The following ARHGEF28 variants were observed in gnomAD, a reference collection of about 807,000 sequenced individuals.
The protein encoded by ARHGEF28 is 190 kDa guanine nucleotide exchange factor.
In ARHGEF28, 152 loss-of-function variants were observed where a neutral mutation model predicts 206.6. The ratio of observed to expected loss-of-function variants is 0.74; its 90% CI spans 0.64 to 0.84. The LOEUF is 0.84. Ranked by LOEUF, ARHGEF28 falls within the 40% of genes least tolerant of loss-of-function variation. The pLI is 0.00. For synonymous variants in ARHGEF28, 763 were observed against 776.4 expected, an observed-to-expected ratio of 0.98 and a Z score of 0.29; for missense variants, 2,028 against 2,073.2, an observed-to-expected ratio of 0.98 and a Z score of 0.42.
intron 22 of ARHGEF28, among the ~76,000 whole-genome samples, chr5:73,881,133 A>G (rs924624131): frequency 2.6e-5 from 4 of 152,086 alleles, no homozygotes; most frequent in Admixed American, 6.6e-5. Context: ...TTTGTCAAAA[A>G]TCATGTGGGC....
At chr5:73,633,202 T>C (rs186566922) in intron 1 of ARHGEF28, among the ~76,000 whole-genome samples, 4 of 152,290 alleles carry the variant, frequency 2.6e-5, no homozygotes, top group African/African-American at 7.2e-5. Context: ...TAAATACAGA[T>C]GAAGCTTCAC....
intron 16 of ARHGEF28, among the ~76,000 whole-genome samples, chr5:73,862,861 A>T (rs961070603): frequency 2.1e-5 from 1 of 47,302 alleles, no homozygotes; most frequent in African/African-American, 5.7e-5. Context: ...TTGTTTCTTT[A>T]AAAAAAAAAA....
chr5:73,626,488 G>C (rs543305590), intron 1 of ARHGEF28, among the ~76,000 whole-genome samples, 166 bp downstream of exon 1: 1 of 152,098 alleles, frequency 6.6e-6, no homozygotes, highest in Non-Finnish European at 1.5e-5. Context: ...CGGCGCGAGG[G>C]CTGGGCGCCG....
chr5:73,735,229 TAATTA>T (rs1750849169), intron 2 of ARHGEF28, among the ~76,000 whole-genome samples: 1 of 151,262 alleles, frequency 6.6e-6, no homozygotes, highest in Non-Finnish European at 1.5e-5. Context: ...TAATTTTTAT[TAATTA>T]AATTAAAATT....
At position 73,872,986 on chromosome 5, in the gene ARHGEF28, TCA is replaced by T. The variant is rs763503081; in HGVS notation, c.2567-8_2567-7del. On this transcript the variant is annotated splice_polypyrimidine_tract_variant and intron_variant, in intron 21 of 35. Transcript: ENST00000513042. ...AAGCTTGTTTAAGGCTTATGTGTGC[TCA>T]CACATTTCAGAGCTAATGCAAACAG... 1.2e-6 allele frequency: 2 copies of T among 1,612,944 alleles called. No individual in the cohort carries two copies. Among genetic ancestry groups the T allele is most frequent in the East Asian group, 4.5e-5 (2 of 44,872 alleles).
intron 27 of ARHGEF28, 34 bp from the exon 28 acceptor site, chr5:73,893,163 T>G (rs1761750158): frequency 6.7e-7 from 1 of 1,495,104 alleles, no homozygotes; most frequent in Admixed American, 2.3e-5. Flanking sequence ...TGCATTTGGT[T>G]TCAGTTGTGT....
Position 73,897,979 on chromosome 5 carries a change from G to T in ARHGEF28, c.3859G>T (p.Ala1287Ser). 2.5e-6 allele frequency: 4 copies of T among 1,584,490 alleles called. No homozygotes were observed. The highest frequency in any genetic ancestry group is 3.4e-6 in the Non-Finnish European group (4 of 1,164,450). Residue 1287 changes from alanine (A) to serine (S), a missense_variant, in exon 30 of 36, where the codon GCA becomes TCA. Physicochemically the swap from Ala to Ser is moderately conservative, Grantham distance 99 (BLOSUM62 1). Coordinates refer to ENST00000513042, the MANE Select transcript of ARHGEF28 (RefSeq NM_001177693.2). ...CATCTTAGCTGAGAGCCTACAAGTT[G>T]CAGTGAAGGCCTCACAGATGGGCGC... is the stretch of plus-strand genomic sequence containing the variant. The part of the protein sequence containing the change: ...ALKEAESLQV[A>S]VKASQMGAVS...
chr5:73,733,643 A>G (rs954163769), intron 2 of ARHGEF28, among the ~76,000 whole-genome samples: 1 of 152,242 alleles, frequency 6.6e-6, no homozygotes, highest in Non-Finnish European at 1.5e-5. Flanking sequence ...TATTGAAAGA[A>G]AAAATAATTT....
intron 2 of ARHGEF28, among the ~76,000 whole-genome samples, chr5:73,697,252 G>A (rs999748967): frequency 6.6e-6 from 1 of 152,138 alleles, no homozygotes; most frequent in Non-Finnish European, 1.5e-5. Flanking sequence ...ATCTGTGAAC[G>A]ATGTCACATG....
intron 1 of ARHGEF28, among the ~76,000 whole-genome samples, chr5:73,660,639 CGTT>C (rs1402837814): frequency 6.6e-6 from 1 of 152,198 alleles, no homozygotes; most frequent in Non-Finnish European, 1.5e-5. Context: ...CAAAATTACT[CGTT>C]GATCCTTGGG....
At chr5:73,857,315 A>G (rs1240733987) in intron 14 of ARHGEF28, among the ~76,000 whole-genome samples, 2 of 152,180 alleles carry the variant, frequency 1.3e-5, no homozygotes, top group Non-Finnish European at 2.9e-5. Context: ...TCAGGGTAAA[A>G]TTATAAGTCT....
At chr5:73,874,113 C>T (rs1204037095) in intron 22 of ARHGEF28, among the ~76,000 whole-genome samples, 3 of 152,102 alleles carry the variant, frequency 2.0e-5, no homozygotes, top group Admixed American at 2.0e-4. Flanking sequence ...TTGCACTTCC[C>T]TCATGGCTAA....
chr5:73,680,375 CA>C (rs1746993222), intron 1 of ARHGEF28, among the ~76,000 whole-genome samples: 1 of 124,500 alleles, frequency 8.0e-6, no homozygotes. Flanking sequence ...GCAGAGCTTG[CA>C]GTGAGCTGAG....
At chr5:73,769,048 C>T (rs1361602818) in intron 4 of ARHGEF28, among the ~76,000 whole-genome samples, 1 of 152,072 alleles carries the variant, frequency 6.6e-6, no homozygotes, top group Non-Finnish European at 1.5e-5. Context: ...GTGAGGCCTC[C>T]CTAGCCATAT....
At chr5:73,900,200 A>G (rs1419503212) in intron 30 of ARHGEF28, 3 of 152,266 alleles carry the variant, frequency 2.0e-5, no homozygotes, top group South Asian at 2.1e-4. Context: ...TTCCAAAGAC[A>G]TAAGTATTTT....
chr5:73,648,077 A>G (rs1744553931), intron 1 of ARHGEF28, among the ~76,000 whole-genome samples: 1 of 152,250 alleles, frequency 6.6e-6, no homozygotes, highest in South Asian at 2.1e-4. Context: ...AAGTTGTAAT[A>G]TTTTAAGAAT....
chr5:73,857,628 G>A (rs1335312923), intron 14 of ARHGEF28, 28 bp from the exon 15 acceptor site: 9 of 1,551,598 alleles, frequency 5.8e-6, no homozygotes, highest in Non-Finnish European at 7.8e-6. Context: ...AGTCATATGA[G>A]CCATGATAAC....
At position 73,682,111 on chromosome 5, in the gene ARHGEF28, T is replaced by G. The variant is rs372300463; in HGVS notation, c.-11-2730T>G. Among the ~76,000 whole-genome samples the G allele has an allele frequency of 6.6e-5, 10 of 152,298 alleles. No individual in the cohort carries two copies. In the East Asian group the frequency reaches 1.4e-3, roughly 21 times the overall value. On this transcript the variant is annotated intron_variant, in intron 1 of 35. Coordinates refer to ENST00000513042, the MANE Select transcript of ARHGEF28 (RefSeq NM_001177693.2). ...AATAACAATAATAAATGGATTATTA[T>G]AATCTATAAACCCATTTAAGTGGGT...
At chr5:73,676,458 C>T (rs528473657) in intron 1 of ARHGEF28, among the ~76,000 whole-genome samples, 5 of 152,094 alleles carry the variant, frequency 3.3e-5, no homozygotes, top group African/African-American at 4.8e-5. Flanking sequence ...AGACTGGTCT[C>T]GAACTCCTGA....
Sources: allele counts gnomAD v4.1 joint callset (sites outside exome capture counted in the v4.1 genomes callset), GRCh38; gene constraint gnomAD v4.1.1; transcripts MANE v1.5; gene names NCBI Gene and HGNC (gene_info 2026-07-23, HGNC 2026-07-21).